EVI5: variants seen among roughly 807,000 people sequenced by gnomAD.
EVI5 encodes the protein ecotropic viral integration site 5.
In EVI5, 73 loss-of-function variants were observed where a neutral mutation model predicts 112.0. The ratio of observed to expected loss-of-function variants is 0.65; its 90% CI spans 0.54 to 0.79. The LOEUF is 0.79. Ranked by LOEUF, EVI5 falls within the 30% of genes least tolerant of loss-of-function variation. The pLI is 0.00. For synonymous variants in EVI5, 305 were observed against 319.9 expected (o/e 0.95, Z 0.50); for missense variants, 900 against 968.8 (o/e 0.93, Z 0.94).
chr1:92,738,347 T>C (rs763300619), intron 1 of EVI5, among the ~76,000 whole-genome samples: 4 of 152,062 alleles, frequency 2.6e-5, no homozygotes, highest in Non-Finnish European at 5.9e-5. Context: ...ACCTAATGTA[T>C]AAAATTTACA....
chr1:92,600,924 G>A (rs775732199), intron 18 of EVI5, among the ~76,000 whole-genome samples: 2 of 152,018 alleles, frequency 1.3e-5, no homozygotes, highest in Non-Finnish European at 1.5e-5. Context: ...CCAAAACCTC[G>A]GATTTCAGAG....
intron 1 of EVI5, among the ~76,000 whole-genome samples, chr1:92,779,039 T>C (rs1430784894): frequency 1.3e-5 from 2 of 152,070 alleles, no homozygotes; most frequent in African/African-American, 4.8e-5. Flanking sequence ...TGCTTTAGAC[T>C]CTAGAATATA....
At chr1:92,554,072 A>G (rs1307847233) in intron 19 of EVI5, among the ~76,000 whole-genome samples, 3 of 152,358 alleles carry the variant, frequency 2.0e-5, no homozygotes, top group Non-Finnish European at 2.9e-5. Flanking sequence ...AAAAGCTACA[A>G]TGCTAGTAGC....
At chr1:92,528,957 T>C (rs992066795) in intron 19 of EVI5, among the ~76,000 whole-genome samples, 1 of 152,180 alleles carries the variant, frequency 6.6e-6, no homozygotes, top group Non-Finnish European at 1.5e-5. Context: ...AAATGTATCC[T>C]AAATAAAAGT....
chr1:92,665,883 T>A (rs760602144), intron 11 of EVI5, 56 bp downstream of exon 11: 85 of 1,231,206 alleles, frequency 6.9e-5, no homozygotes, highest in Non-Finnish European at 9.1e-5. Context: ...TTAATAAATA[T>A]ACAGAAAAAA....
chr1:92,526,935 C>G (rs1466420061), intron 19 of EVI5, among the ~76,000 whole-genome samples: 1 of 152,126 alleles, frequency 6.6e-6, no homozygotes, highest in African/African-American at 2.4e-5. Flanking sequence ...AGGAGAAAGG[C>G]AGAAGGTGTT....
intron 19 of EVI5, among the ~76,000 whole-genome samples, chr1:92,543,823 G>A (rs1228625645): frequency 2.0e-5 from 3 of 152,172 alleles, no homozygotes; most frequent in Non-Finnish European, 4.4e-5. Flanking sequence ...GTGAGCACAC[G>A]CTGTTGGAAA....
chr1:92,527,429 A>AG (rs144965425), intron 19 of EVI5, among the ~76,000 whole-genome samples: 7,298 of 134,488 alleles, frequency 0.054, 854 homozygotes, highest in African/African-American at 0.17. Flanking sequence ...AAAAAAAAAA[A>AG]AAAAGAAAAA....
intron 14 of EVI5, among the ~76,000 whole-genome samples, chr1:92,635,066 C>T (rs970841217): frequency 6.6e-6 from 1 of 152,244 alleles, no homozygotes. Context: ...GGTACCCGGC[C>T]GTGTGAGGTG....
intron 16 of EVI5, among the ~76,000 whole-genome samples, chr1:92,620,955 AAC>A (rs1181644723): frequency 1.3e-5 from 2 of 152,160 alleles, no homozygotes; most frequent in African/African-American, 4.8e-5. Flanking sequence ...AAGATTTGAA[AAC>A]ACACTGTTGT....
chr1:92,553,903 C>A (rs1039655205), intron 19 of EVI5, among the ~76,000 whole-genome samples: 1 of 152,296 alleles, frequency 6.6e-6, no homozygotes, highest in Non-Finnish European at 1.5e-5. Context: ...AAACAGAATG[C>A]TTTTAACAGC....
upstream of EVI5, among the ~76,000 whole-genome samples, chr1:92,789,451 T>A (rs528008208): frequency 6.6e-6 from 1 of 152,040 alleles, no homozygotes; most frequent in African/African-American, 2.4e-5. Flanking sequence ...TACAGGCGCC[T>A]GCCACCACAC....
intron 2 of EVI5, among the ~76,000 whole-genome samples, chr1:92,719,876 T>C (rs1216834110): frequency 6.6e-6 from 1 of 152,014 alleles, no homozygotes; most frequent in Non-Finnish European, 1.5e-5. Context: ...ACAAGCATTC[T>C]TATAAACCAA....
At chr1:92,658,741 A>G (rs1424588722) in intron 13 of EVI5, among the ~76,000 whole-genome samples, 1 of 152,156 alleles carries the variant, frequency 6.6e-6, no homozygotes, top group African/African-American at 2.4e-5. Context: ...CCTAAAATTC[A>G]TATGAAACCA....
In EVI5 at chr1:92,745,678, C is replaced by G. The variant is rs1679151681; in HGVS notation, c.-81-9051G>C. 5.3e-5 allele frequency among the ~76,000 whole-genome samples: 8 copies of G among 152,076 alleles called. No individual in the cohort carries two copies. The South Asian group carries it at 1.7e-3, about 32-fold the overall frequency. Reference sequence around the variant, plus strand: ...AAAAAATTAGCTGGGTGTGGTGGCACAGACCTGTAGTAGAGGCACTTGTGA... The same window carrying G: ...AAAAAATTAGCTGGGTGTGGTGGCAGAGACCTGTAGTAGAGGCACTTGTGA... On this transcript the variant is annotated intron_variant, in intron 1 of 19. Transcript: ENST00000684568.
intron 1 of EVI5, among the ~76,000 whole-genome samples, chr1:92,770,733 T>C (rs1220688728): frequency 6.6e-6 from 1 of 151,374 alleles, no homozygotes; most frequent in Non-Finnish European, 1.5e-5. Context: ...GAGGTTGCAG[T>C]GAGCCGAAAT....
rs376451073 is a variant in EVI5, at chr1:92,526,215, C to T, written c.2167-12245G>A. ...CTGAGATCACAGACATGTGCCACCACGCCCAGCTAATTTTTAAATTATTTG... is the reference window on the plus strand; with the variant it reads ...CTGAGATCACAGACATGTGCCACCATGCCCAGCTAATTTTTAAATTATTTG... On this transcript the variant is annotated intron_variant, in intron 19 of 19. Coordinates refer to ENST00000684568, the MANE Select transcript of EVI5 (RefSeq NM_001350197.2). Among the ~76,000 whole-genome samples, 166 of 152,278 alleles carry T rather than the reference C, an allele frequency of 1.1e-3. 1 individual carries two copies. In the South Asian group the frequency reaches 0.031, roughly 29 times the overall value.
intron 2 of EVI5, among the ~76,000 whole-genome samples, chr1:92,721,856 T>C (rs1365361643): frequency 1.3e-5 from 2 of 152,172 alleles, no homozygotes; most frequent in African/African-American, 4.8e-5. Context: ...CAGTAATTAC[T>C]GATCACAACC....
chr1:92,760,924 G>C (rs189664486), intron 1 of EVI5, among the ~76,000 whole-genome samples: 106 of 151,704 alleles, frequency 7.0e-4, no homozygotes, highest in African/African-American at 2.4e-3. Flanking sequence ...CGGGCGTGGT[G>C]GTGGGCGCCT....
Sources: allele counts gnomAD v4.1 joint callset (sites outside exome capture counted in the v4.1 genomes callset), GRCh38; gene constraint gnomAD v4.1.1; transcripts MANE v1.5; gene names NCBI Gene and HGNC (gene_info 2026-07-23, HGNC 2026-07-21).